The following CHAT variants were observed in gnomAD, a reference collection of about 807,000 sequenced individuals.
CHAT encodes acetyl CoA:choline O-acetyltransferase.
CHAT carries 61 observed loss-of-function variants against 76.9 expected under a neutral mutation model. The observed-to-expected ratio is 0.79, with a 90% CI of 0.65 to 0.98. The LOEUF (loss-of-function observed/expected upper bound fraction) is 0.98, where lower values mean the gene tolerates loss of function less well. Ranked by LOEUF, CHAT falls within the 50% of genes least tolerant of loss-of-function variation. The pLI is 0.00. For missense variants in CHAT, 946 were observed against 986.9 expected (o/e 0.96, Z 0.56); for synonymous variants, 407 against 397.4 (o/e 1.02, Z -0.29).
At chr10:49,637,394 C>T (rs1413067613) in intron 7 of CHAT, 2 of 152,170 alleles carry the variant, frequency 1.3e-5, no homozygotes. Flanking sequence ...TAAGTCTCCA[C>T]CCAAATCTCA....
upstream of CHAT, among the ~76,000 whole-genome samples, chr10:49,609,847 C>T (rs1290403584): frequency 6.6e-6 from 1 of 152,182 alleles, no homozygotes; most frequent in African/African-American, 2.4e-5. Context: ...ATGGACGCAG[C>T]GGCGGCTCAC....
chr10:49,612,289 C>G, upstream of CHAT: 1 of 1,612,156 alleles, frequency 6.2e-7, no homozygotes. Flanking sequence ...CCCGCCTGGC[C>G]CTTTTGATGC....
intron 5 of CHAT, among the ~76,000 whole-genome samples, chr10:49,623,535 C>T (rs2132722640): frequency 6.6e-6 from 1 of 152,304 alleles, no homozygotes; most frequent in South Asian, 2.1e-4. Context: ...TGTCCTTAGA[C>T]TATTGGGCAA....
At chr10:49,614,570 A>G in intron 1 of CHAT, 95 bp downstream of exon 1, 1 of 794,272 alleles carries the variant, frequency 1.3e-6, no homozygotes. Context: ...CGGGGCCGAG[A>G]GGCCCCAGGA....
upstream of CHAT, chr10:49,611,681 C>A (rs774787830): frequency 2.5e-5 from 41 of 1,610,796 alleles, no homozygotes; most frequent in Admixed American, 6.7e-5. Flanking sequence ...ACCATTGCCA[C>A]GTGGATGAAG....
intron 10 of CHAT, among the ~76,000 whole-genome samples, chr10:49,651,552 A>C (rs1157572870): frequency 3.9e-5 from 6 of 152,370 alleles, no homozygotes; most frequent in African/African-American, 1.4e-4. Context: ...AGTGAATTAC[A>C]AAATCCCGGG....
In CHAT at chr10:49,664,615, G is replaced by A. The variant is rs12251713; in HGVS notation, c.1978-162G>A. ...CCTCTGATATCATGCAGTTAGATGGGTCTGTTTTTATGACTCTGGCTGTGT... is the reference window on the plus strand; with the variant it reads ...CCTCTGATATCATGCAGTTAGATGGATCTGTTTTTATGACTCTGGCTGTGT... On this transcript the variant is annotated intron_variant, in intron 14 of 14. Transcript: ENST00000337653. 2.4e-3 allele frequency among the ~76,000 whole-genome samples: 369 copies of A among 152,292 alleles called. 2 individuals are homozygous for A. The highest frequency in any genetic ancestry group is 8.5e-3 in the African/African-American group (353 of 41,554).
chr10:49,622,785 C>G (rs1363886040), intron 5 of CHAT, among the ~76,000 whole-genome samples: 2 of 152,166 alleles, frequency 1.3e-5, no homozygotes, highest in African/African-American at 2.4e-5. Flanking sequence ...AAAGAAGCAT[C>G]CCTTGCACAG....
At chr10:49,610,790 T>A, upstream of CHAT, 1 of 1,579,136 alleles carries the variant, frequency 6.3e-7, no homozygotes, top group Non-Finnish European at 8.6e-7. Flanking sequence ...GCCACCAAGC[T>A]GTCGGAGGCT....
intron 3 of CHAT, among the ~76,000 whole-genome samples, chr10:49,620,250 G>A (rs1838655621): frequency 6.6e-6 from 1 of 152,158 alleles, no homozygotes; most frequent in Non-Finnish European, 1.5e-5. Context: ...AGGACAGGCA[G>A]AGGACAGCGA....
Position 49,614,219 on chromosome 10 carries a change from G to T in CHAT, c.30G>T (p.Gly10=). Residue 10 remains glycine, a synonymous_variant, in exon 1 of 15, where the codon GGG becomes GGT. Coordinates refer to ENST00000337653, the MANE Select transcript of CHAT (RefSeq NM_020549.5). ...GGCTGAGGACAGCGAAGAAGAGGGG[G>T]CTTGGGGGAGGGGGGAAATGGAAGA... The part of the protein sequence containing the change: MGLRTAKKR[G]LGGGGKWKRE... 6.6e-7 allele frequency: 1 copy of T among 1,525,890 alleles called. No homozygotes were observed. Among genetic ancestry groups the T allele is most frequent in the Non-Finnish European group, 8.9e-7 (1 of 1,129,410 alleles). 94.5% of individuals were successfully genotyped at this position (1,525,890 alleles called of 1,614,324 possible). A position where few individuals can be genotyped will look rare whatever the true frequency, so the allele number is the denominator to read the frequency against.
At chr10:49,622,392 C>G (rs1235130608) in intron 5 of CHAT, among the ~76,000 whole-genome samples, 1 of 152,222 alleles carries the variant, frequency 6.6e-6, no homozygotes. Context: ...AAAAATGTCT[C>G]CTCCCTCCAC....
intron 7 of CHAT, among the ~76,000 whole-genome samples, chr10:49,640,816 G>C (rs945717083): frequency 6.6e-6 from 1 of 152,228 alleles, no homozygotes; most frequent in Non-Finnish European, 1.5e-5. Context: ...CCTTTGACTA[G>C]AGAGAGCAGG....
intron 7 of CHAT, 127 bp from the exon 8 acceptor site, chr10:49,646,378 T>TG: frequency 8.2e-7 from 1 of 1,216,420 alleles, no homozygotes. Context: ...GGGTCAGGGC[T>TG]GGCTCAAGAC....
intron 1 of CHAT, among the ~76,000 whole-genome samples, chr10:49,615,157 G>T (rs562746763): frequency 5.3e-5 from 8 of 151,978 alleles, no homozygotes; most frequent in East Asian, 3.9e-4. Context: ...TCTCCCGAAT[G>T]GGGGGGAGGG....
chr10:49,609,438 G>C (rs940722533), upstream of CHAT, among the ~76,000 whole-genome samples: 5 of 151,668 alleles, frequency 3.3e-5, no homozygotes, highest in African/African-American at 1.2e-4. Flanking sequence ...AAGAGTGCCT[G>C]GGAGGAGTTA....
At chr10:49,625,784 C>A in intron 6 of CHAT, 131 bp downstream of exon 6, 1 of 990,864 alleles carries the variant, frequency 1.0e-6, no homozygotes, top group East Asian at 2.6e-5. Flanking sequence ...CACCATGTCT[C>A]CAAAGTGGGG....
At chr10:49,643,020 A>G (rs1024737493) in intron 7 of CHAT, among the ~76,000 whole-genome samples, 1 of 152,218 alleles carries the variant, frequency 6.6e-6, no homozygotes, top group Non-Finnish European at 1.5e-5. Flanking sequence ...GATGCCTGAG[A>G]TCAAACCCAG....
In CHAT at chr10:49,666,800, T is replaced by G. The variant is rs1840349239; in HGVS notation, c.*1754T>G. Among the ~76,000 whole-genome samples the G allele has an allele frequency of 6.6e-6, 1 of 152,244 alleles. No homozygotes were observed. The highest frequency in any genetic ancestry group is 1.9e-4 in the East Asian group (1 of 5,200). On this transcript the variant is annotated 3_prime_UTR_variant, in exon 15 of 15. Coordinates refer to ENST00000337653, the MANE Select transcript of CHAT (RefSeq NM_020549.5). ...ATGCTCCTTCCCTCCCACGGCCACC[T>G]TCCTACTCTGCTTAGGAAGTTGCAG...
Sources: allele counts gnomAD v4.1 joint callset (sites outside exome capture counted in the v4.1 genomes callset), GRCh38; gene constraint gnomAD v4.1.1; transcripts MANE v1.5; gene names NCBI Gene and HGNC (gene_info 2026-07-23, HGNC 2026-07-21).